OTOG: variants seen among roughly 807,000 people sequenced by gnomAD.
OTOG encodes the protein otogelin.
Under a neutral mutation model 313.8 loss-of-function variants are expected in OTOG, and 296 were observed. The observed-to-expected ratio is 0.94, with a 90% CI of 0.86 to 1.04. The LOEUF is 1.04. OTOG is among the 50% of genes least tolerant of loss of function. The probability of loss-of-function intolerance (pLI) is 0.00; values close to 1 mark genes in which losing one functional copy is unlikely to be tolerated. For missense variants in OTOG, 3,948 were observed against 3,840.1 expected, an observed-to-expected ratio of 1.03 and a Z score of -0.74; for synonymous variants, 1,533 against 1,554.9, an observed-to-expected ratio of 0.99 and a Z score of 0.33.
chr11:17,570,366 A>G lies in OTOG; in HGVS notation c.1931A>G (p.Asn644Ser), dbSNP rs868694251. 8.4e-6 allele frequency: 13 copies of G among 1,550,502 alleles called. No homozygotes were observed. The highest frequency in any genetic ancestry group is 4.1e-5 in the African/African-American group (3 of 73,120). ...ACCGTGGGCCTCTGCGGCACCTTCA[A>G]TGGCAACACGCAGGATGACTTCCTG... ...EDTVGLCGTF[N>S]GNTQDDFLSP... is the part of the protein sequence containing the mutation. Residue 644 changes from asparagine to serine, a missense_variant, in exon 17 of 56, where the codon AAT becomes AGT. Asn to Ser is a conservative substitution (Grantham distance 46). Coordinates refer to ENST00000399397, the MANE Select transcript of OTOG (RefSeq NM_001292063.2).
In OTOG at chr11:17,612,637, C is replaced by T; in HGVS notation, c.6310C>T (p.Pro2104Ser). ...WECACRCSIF[P>S]DLSFVTFDGS... ...TCCCCCAGGCCGGTGCTCAATCTTCCCTGACCTGAGCTTCGTGACCTTCGA... is the reference window on the plus strand; with the variant it reads ...TCCCCCAGGCCGGTGCTCAATCTTCTCTGACCTGAGCTTCGTGACCTTCGA... Residue 2104 changes from proline to serine, a missense_variant, in exon 38 of 56, where the codon CCT becomes TCT. Pro to Ser is a moderately conservative substitution (Grantham distance 74, BLOSUM62 -1). Transcript: ENST00000399397. The T allele has an allele frequency of 1.3e-6, 2 of 1,550,640 alleles. No homozygotes were observed. The highest frequency in any genetic ancestry group is 1.7e-6 in the Non-Finnish European group (2 of 1,146,982).
chr11:17,612,876 C>T (rs944552135), intron 38 of OTOG, 111 bp downstream of exon 38: 14 of 1,268,184 alleles, frequency 1.1e-5, no homozygotes, highest in East Asian at 2.6e-5. Context: ...TGTGGAAGCC[C>T]CCCTGAGCTC....
chr11:17,638,556 C>A lies in OTOG; in HGVS notation c.7894+7C>A. The A allele has an allele frequency of 6.5e-7, 1 of 1,549,746 alleles. No homozygotes were observed. The highest frequency in any genetic ancestry group is 1.2e-5 in the South Asian group (1 of 84,020). Reference sequence around the variant, plus strand: ...TGCCCCTACAAATCCTGTGGTGAGTCCGTGGTCAGGACAGCCTCCCCGCTG... The same window carrying A: ...TGCCCCTACAAATCCTGTGGTGAGTACGTGGTCAGGACAGCCTCCCCGCTG... On this transcript the variant is annotated splice_region_variant and intron_variant, in intron 48 of 55. Coordinates refer to ENST00000399397, the MANE Select transcript of OTOG (RefSeq NM_001292063.2).
chr11:17,559,892 G>A lies in OTOG; in HGVS notation c.1342+230G>A, dbSNP rs572138704. ...AGGAAGGAAGGAAGGAAGGGAGAGA[G>A]GGAGGGAGGGAGGAAGGAAGGAAAG... is the stretch of plus-strand genomic sequence containing the variant. On this transcript the variant is annotated intron_variant, in intron 12 of 55. Transcript: ENST00000399397. Among the ~76,000 whole-genome samples, 82 of 146,500 alleles carry A rather than the reference G, an allele frequency of 5.6e-4. 1 individual carries two copies. Among genetic ancestry groups the A allele is most frequent in the Admixed American group, 1.1e-3 (17 of 14,880 alleles).
chr11:17,563,927 G>C (rs946458587), intron 15 of OTOG, among the ~76,000 whole-genome samples: 4 of 148,480 alleles, frequency 2.7e-5, no homozygotes, highest in African/African-American at 1.0e-4. Flanking sequence ...CAAACTCCTG[G>C]GCTCATGTGA....
intron 39 of OTOG, 121 bp downstream of exon 39, chr11:17,613,822 C>CT (rs1390236362): frequency 6.7e-6 from 5 of 748,742 alleles, no homozygotes; most frequent in East Asian, 2.7e-5. Flanking sequence ...GGGAGGGGAC[C>CT]TTTTTTTAGA....
intron 53 of OTOG, 46 bp from the exon 54 acceptor site, chr11:17,643,415 C>A: frequency 1.5e-6 from 2 of 1,334,148 alleles, no homozygotes; most frequent in Non-Finnish European, 2.0e-6. Flanking sequence ...CCGGCCTGGA[C>A]AGGGGTCTCC....
At chr11:17,632,660 C>G (rs141119315) in intron 42 of OTOG, among the ~76,000 whole-genome samples, 356 of 152,164 alleles carry the variant, frequency 2.3e-3, no homozygotes, top group African/African-American at 8.1e-3. Flanking sequence ...CCTTTTTGCT[C>G]ACGTTTCTCT....
intron 12 of OTOG, 69 bp from the exon 13 acceptor site, chr11:17,560,640 C>G: frequency 8.7e-7 from 1 of 1,147,968 alleles, no homozygotes; most frequent in Non-Finnish European, 1.3e-6. Flanking sequence ...ATCAGAGGCC[C>G]TGGGGAGCCA....
chr11:17,617,427 A>G (rs369268006), intron 39 of OTOG, among the ~76,000 whole-genome samples: 7 of 152,232 alleles, frequency 4.6e-5, no homozygotes, highest in African/African-American at 1.2e-4. Context: ...CAGTGAAGCC[A>G]TCTGAGCCTG....
chr11:17,554,117 A>G (rs866285933), intron 6 of OTOG, among the ~76,000 whole-genome samples: 53 of 152,158 alleles, frequency 3.5e-4, no homozygotes, highest in African/African-American at 1.1e-3. Context: ...GCTAAGAAAG[A>G]GACTAGGGCC....
chr11:17,644,754 T>C (rs575239467), intron 54 of OTOG, among the ~76,000 whole-genome samples: 1 of 115,726 alleles, frequency 8.6e-6, no homozygotes, highest in East Asian at 2.0e-4. Flanking sequence ...AAGAAGGCCA[T>C]AAAGCTTATG....
intron 37 of OTOG, 129 bp from the exon 38 acceptor site, chr11:17,612,491 G>C: frequency 2.1e-6 from 3 of 1,396,238 alleles, no homozygotes; most frequent in Non-Finnish European, 2.8e-6. Context: ...TGCGTGGTCT[G>C]AGCCACCCTC....
chr11:17,609,196 C>T lies in OTOG; in HGVS notation c.4341C>T (p.Val1447=), dbSNP rs1212157010. 6.5e-7 allele frequency: 1 copy of T among 1,550,326 alleles called. No homozygotes were observed. The highest frequency in any genetic ancestry group is 8.7e-7 in the Non-Finnish European group (1 of 1,146,850). ...QVLDEVTQRC[V]YLEDCVEPAV... ...TGGATGAAGTCACACAGAGATGTGT[C>T]TACTTGGAGGACTGTAAGTGGCCCA... is the stretch of plus-strand genomic sequence containing the variant. Residue 1447 remains valine (V), a synonymous_variant, in exon 35 of 56, where the codon GTC becomes GTT. Transcript: ENST00000399397.
chr11:17,559,108 G>T lies in OTOG; in HGVS notation c.1160G>T (p.Cys387Phe), dbSNP rs1390874259. The change falls in exon 11 of 56, where the codon TGT becomes TTT. Residue 387 changes from cysteine to phenylalanine, a missense_variant. By Grantham distance (205) the Cys-to-Phe change is radical. Transcript: ENST00000399397. ...GCACTGGCGGAGTATGCCCGGGCGT[G>T]TGCCCAGGCAGGGCGGCCCTTGCAA... ...CRALAEYARA[C>F]AQAGRPLQGW... The T allele has an allele frequency of 1.9e-5, 30 of 1,545,110 alleles. No individual in the cohort carries two copies. In the East Asian group the frequency reaches 3.2e-4, roughly 16 times the overall value.
At chr11:17,619,746 T>A (rs1337265598) in intron 39 of OTOG, among the ~76,000 whole-genome samples, 1 of 152,232 alleles carries the variant, frequency 6.6e-6, no homozygotes, top group Admixed American at 6.5e-5. Flanking sequence ...AACTCCACAG[T>A]AAATTGTTAT....
At chr11:17,561,233 G>A (rs987169500) in intron 14 of OTOG, 96 bp downstream of exon 14, 3 of 1,393,704 alleles carry the variant, frequency 2.2e-6, no homozygotes, top group African/African-American at 2.9e-5. Flanking sequence ...CTGCGGGTGG[G>A]GATGTCACTC....
intron 31 of OTOG, among the ~76,000 whole-genome samples, chr11:17,600,670 C>T (rs1853227134): frequency 6.6e-6 from 1 of 152,204 alleles, no homozygotes; most frequent in Non-Finnish European, 1.5e-5. Flanking sequence ...TTGACAGCCC[C>T]AGACCTTCAA....
At position 17,559,680 on chromosome 11, in the gene OTOG, G is replaced by T. The variant is rs76467342; in HGVS notation, c.1342+18G>T. 36 of 1,548,008 alleles carry T rather than the reference G, an allele frequency of 2.3e-5. No homozygotes were observed. Among genetic ancestry groups the T allele is most frequent in the Non-Finnish European group, 3.1e-5 (36 of 1,145,720 alleles). On this transcript the variant is annotated intron_variant, in intron 12 of 55. Transcript: ENST00000399397. The stretch of plus-strand genomic sequence containing the variant: ...CCCCAATGGTATGCTAGGGGCAGAC[G>T]TAGGTGCCTGGCACCATCTTCCTGG...
Sources: gnomAD v4.1 joint callset for allele counts (sites outside exome capture counted in the v4.1 genomes callset) on GRCh38, gnomAD v4.1.1 for gene constraint, MANE v1.5 for transcripts, NCBI Gene and HGNC (gene_info 2026-07-23, HGNC 2026-07-21) for gene names.